The following TLE5 variants were observed in gnomAD, a reference collection of about 807,000 sequenced individuals.
TLE5 encodes TLE family member 5, transcriptional modulator.
Under a neutral mutation model 25.8 loss-of-function variants are expected in TLE5, and 7 were observed. That is an observed-to-expected ratio of 0.27 (90% CI 0.15 to 0.51). The LOEUF (loss-of-function observed/expected upper bound fraction) is 0.51. TLE5 is among the 20% of genes least tolerant of loss of function. The pLI is 0.97. For synonymous variants in TLE5, 132 were observed against 110.5 expected, an observed-to-expected ratio of 1.20 and a Z score of -1.22; for missense variants, 149 against 250.7, an observed-to-expected ratio of 0.59 and a Z score of 2.74.
intron 2 of TLE5, among the ~76,000 whole-genome samples, chr19:3,058,561 C>T (rs908802578): frequency 1.3e-5 from 2 of 152,340 alleles, no homozygotes. Flanking sequence ...CCTCTTAGTC[C>T]TTCCTAACAG....
intron 2 of TLE5, among the ~76,000 whole-genome samples, chr19:3,059,894 T>G (rs920581241): frequency 3.3e-5 from 5 of 152,198 alleles, no homozygotes; most frequent in African/African-American, 1.2e-4. Context: ...CGACTGTCAG[T>G]GTCTCAGTTT....
chr19:3,054,086 T>TCGGGGGGGCGGCCC, intron 6 of TLE5, 34 bp downstream of exon 6: 2 of 1,512,816 alleles, frequency 1.3e-6, no homozygotes, highest in Non-Finnish European at 1.8e-6. Context: ...GGCCCACCTG[T>TCGGGGGGGCGGCCC]CCCCCGCCCA....
rs1167200355 is a variant in TLE5, at chr19:3,062,316, G to C, written c.-116C>G. 1.5e-5 allele frequency: 15 copies of C among 978,856 alleles called. No individual in the cohort carries two copies. Among genetic ancestry groups the C allele is most frequent in the Non-Finnish European group, 1.8e-5 (15 of 827,472 alleles). 60.6% of individuals were successfully genotyped at this position (978,856 alleles called of 1,614,324 possible). ...GCGCCGATCGGCAGCTCCCGGGGCC[G>C]CCGCCGCCTCCCGCGCCCGGCCTCG... is the stretch of plus-strand genomic sequence containing the variant. On this transcript the variant is annotated 5_prime_UTR_variant, in exon 1 of 7. Coordinates refer to ENST00000327141, the MANE Select transcript of TLE5 (RefSeq NM_001130.6).
intron 2 of TLE5, among the ~76,000 whole-genome samples, chr19:3,060,139 C>T (rs1181375014): frequency 1.3e-5 from 2 of 151,984 alleles, no homozygotes. Context: ...GGGGTTTGAG[C>T]ATAGCCTGAC....
At chr19:3,061,406 C>T (rs896338739) in intron 1 of TLE5, 149 bp from the exon 2 acceptor site, 4 of 498,078 alleles carry the variant, frequency 8.0e-6, no homozygotes, top group Non-Finnish European at 1.4e-5. Flanking sequence ...CGCGACCCCA[C>T]CCGCGCTTCC....
At chr19:3,062,148 G>T in intron 1 of TLE5, 26 bp downstream of exon 1, 2 of 1,126,358 alleles carry the variant, frequency 1.8e-6, no homozygotes, top group African/African-American at 1.6e-5. Flanking sequence ...CGGGGTGGGG[G>T]CGCCGGCCGG....
chr19:3,056,674 GCTC>G, intron 3 of TLE5: 1 of 554,274 alleles, frequency 1.8e-6, no homozygotes, highest in African/African-American at 1.9e-5. Context: ...GCATTCCAGG[GCTC>G]CTAATCTTGT....
chr19:3,056,279 A>C, intron 4 of TLE5, 33 bp downstream of exon 4: 1 of 1,359,666 alleles, frequency 7.4e-7, no homozygotes, highest in Non-Finnish European at 9.8e-7. Context: ...GGGAAGGAGG[A>C]GGAGGAGGAG....
rs2090279075 is a variant in TLE5 at position 3,062,360 on chromosome 19, TCCCCGCGCGCCCGGCCCCGGCGCG to T, written c.-184_-161del. On this transcript the variant is annotated 5_prime_UTR_variant, in exon 1 of 7. Coordinates refer to ENST00000327141, the MANE Select transcript of TLE5 (RefSeq NM_001130.6). ...GGCCTCGCCCGCTTCCTGCGCCCCC[TCCCCGCGCGCCCGGCCCCGGCGCG>T]CCCCGGGCCCCGCTTCCTGCGCGCC... is the stretch of plus-strand genomic sequence containing the variant. 2 of 918,322 alleles carry T rather than the reference TCCCCGCGCGCCCGGCCCCGGCGCG, an allele frequency of 2.2e-6. No individual in the cohort carries two copies. The highest frequency in any genetic ancestry group is 2.5e-6 in the Non-Finnish European group (2 of 785,576). 56.9% of individuals were successfully genotyped at this position (918,322 alleles called of 1,614,324 possible).
At position 3,053,501 on chromosome 19, in the gene TLE5, G is replaced by A. The variant is rs1236202599; in HGVS notation, c.*318C>T. On this transcript the variant is annotated 3_prime_UTR_variant, in exon 7 of 7. Coordinates refer to ENST00000327141, the MANE Select transcript of TLE5 (RefSeq NM_001130.6). The stretch of plus-strand genomic sequence containing the variant: ...TCAAAACGGGGGAAGGGCCGGGGCT[G>A]CTGCGCTTCGCGAGGTCTTGCTCCC... The A allele has an allele frequency of 1.1e-5, 5 of 435,502 alleles. No individual in the cohort carries two copies. The highest frequency in any genetic ancestry group is 1.7e-5 in the Non-Finnish European group (4 of 240,506). The allele number at this position is 435,502 out of a possible 1,614,324, so 27.0% of individuals were successfully genotyped here. A position where few individuals can be genotyped will look rare whatever the true frequency, so the allele number is the denominator to read the frequency against.
chr19:3,056,215 G>GGGCTTGGT (rs2090216529), intron 4 of TLE5, 97 bp downstream of exon 4: 14 of 853,532 alleles, frequency 1.6e-5, no homozygotes, highest in Non-Finnish European at 2.1e-5. Flanking sequence ...GCCGAGGGCC[G>GGGCTTGGT]GCCGCTACCT....
intron 5 of TLE5, chr19:3,054,901 A>C (rs2090204221): frequency 6.6e-6 from 1 of 152,368 alleles, no homozygotes; most frequent in Non-Finnish European, 1.5e-5. Flanking sequence ...CACCCAAAGG[A>C]TCCTGAGATA....
Position 3,054,100 on chromosome 19 carries a change from G to T in TLE5, c.372+20C>A, listed in dbSNP as rs764401724. The T allele has an allele frequency of 9.5e-6, 5 of 528,266 alleles. No individual in the cohort carries two copies. The highest frequency in any genetic ancestry group is 8.5e-5 in the African/African-American group (3 of 35,204). 32.7% of individuals were successfully genotyped at this position (528,266 alleles called of 1,614,324 possible). On this transcript the variant is annotated intron_variant, in intron 6 of 6. Transcript: ENST00000327141. ...GGGCCCACCTGTCCCCCGCCCACCC[G>T]CCCAGGTCCCCATACATACTCGGAT...
At chr19:3,059,665 T>C (rs188975724) in intron 2 of TLE5, among the ~76,000 whole-genome samples, 247 of 152,272 alleles carry the variant, frequency 1.6e-3, no homozygotes, top group Non-Finnish European at 3.2e-3. Context: ...GGGTCCCTCG[T>C]TGGACAGCAG....
rs376918859 is a variant in TLE5 at position 3,054,106 on chromosome 19, G to A, written c.372+14C>T. 32 of 406,804 alleles carry A rather than the reference G, an allele frequency of 7.9e-5. No homozygotes were observed. The highest frequency in any genetic ancestry group is 1.3e-4 in the Non-Finnish European group (31 of 245,374). 25.2% of individuals were successfully genotyped at this position (406,804 alleles called of 1,614,324 possible). ...ACCTGTCCCCCGCCCACCCGCCCAG[G>A]TCCCCATACATACTCGGATGATAGA... On this transcript the variant is annotated intron_variant, in intron 6 of 6. Coordinates refer to ENST00000327141, the MANE Select transcript of TLE5 (RefSeq NM_001130.6).
intron 1 of TLE5, among the ~76,000 whole-genome samples, chr19:3,061,776 C>A (rs2090270920): frequency 1.3e-5 from 2 of 151,478 alleles, no homozygotes; most frequent in South Asian, 2.1e-4. Context: ...GATCACCCCC[C>A]CCACCACAGG....
chr19:3,054,448 A>C (rs2090200986), intron 5 of TLE5: 1 of 582,016 alleles, frequency 1.7e-6, no homozygotes, highest in Non-Finnish European at 3.1e-6. Flanking sequence ...GTTTTGTGCT[A>C]AGTAGTTAGG....
intron 4 of TLE5, 115 bp from the exon 5 acceptor site, chr19:3,055,841 G>GGCTA: frequency 8.6e-7 from 1 of 1,165,162 alleles, no homozygotes. Context: ...TTCTAAGAGG[G>GGCTA]GCTAGGTCTG....
chr19:3,054,437 G>A, intron 5 of TLE5: 1 of 590,334 alleles, frequency 1.7e-6, no homozygotes, highest in South Asian at 2.0e-5. Context: ...CAATTAAAAG[G>A]GTTTTGTGCT....
Sources: allele counts gnomAD v4.1 joint callset (sites outside exome capture counted in the v4.1 genomes callset), GRCh38; gene constraint gnomAD v4.1.1; transcripts MANE v1.5; gene names NCBI Gene and HGNC (gene_info 2026-07-23, HGNC 2026-07-21).